CERKL: variants seen among roughly 807,000 people sequenced by gnomAD.
CERKL encodes the protein ceramide kinase-like protein.
A neutral mutation model predicts 63.4 loss-of-function variants in CERKL; 61 were observed. That is an observed-to-expected ratio of 0.96 (90% CI 0.78 to 1.19). The LOEUF is 1.19. Among genes scored for constraint, CERKL ranks in the 50% most tolerant of loss-of-function variants. The pLI is 0.00. For missense variants in CERKL, 675 were observed against 655.5 expected (o/e 1.03, Z -0.33); for synonymous variants, 250 against 230.5 (o/e 1.08, Z -0.77).
chr2:181,600,504 T>C (rs1685411719), intron 2 of CERKL, among the ~76,000 whole-genome samples: 1 of 151,824 alleles, frequency 6.6e-6, no homozygotes, highest in African/African-American at 2.4e-5. Context: ...GGGCTCAAAG[T>C]GAAGGGATGG....
At chr2:181,619,175 T>C (rs1377666191) in intron 1 of CERKL, among the ~76,000 whole-genome samples, 6 of 152,114 alleles carry the variant, frequency 3.9e-5, no homozygotes, top group African/African-American at 1.4e-4. Context: ...CCTACTTATG[T>C]ATTTGCCCAG....
At chr2:181,640,981 A>G (rs1687394496) in intron 1 of CERKL, among the ~76,000 whole-genome samples, 1 of 152,194 alleles carries the variant, frequency 6.6e-6, no homozygotes, top group Admixed American at 6.5e-5. Flanking sequence ...CAGTTTTAAA[A>G]AGTGTTTGCC....
At chr2:181,635,423 T>C (rs1687134337) in intron 1 of CERKL, among the ~76,000 whole-genome samples, 1 of 152,158 alleles carries the variant, frequency 6.6e-6, no homozygotes, top group Non-Finnish European at 1.5e-5. Context: ...TTTATTTTAC[T>C]GTGTCTAAAT....
chr2:181,540,156 G>A (rs1195888052), intron 11 of CERKL, among the ~76,000 whole-genome samples: 2 of 152,132 alleles, frequency 1.3e-5, no homozygotes, highest in African/African-American at 4.8e-5. Context: ...AGTTTATACT[G>A]TAAACACAGT....
At chr2:181,643,881 A>G (rs375740913) in intron 1 of CERKL, among the ~76,000 whole-genome samples, 2 of 152,250 alleles carry the variant, frequency 1.3e-5, no homozygotes, top group African/African-American at 4.8e-5. Context: ...CACACAGGAC[A>G]GTAAACAAAT....
Position 181,639,387 on chromosome 2 carries a change from A to G in CERKL, c.238+17382T>C, listed in dbSNP as rs571242514. ...AGGGTTGAACATGAGGACTTATTAC[A>G]TAATTATTCCTACATTTGGGTATGT... On this transcript the variant is annotated intron_variant, in intron 1 of 12. Transcript: ENST00000410087. Among the ~76,000 whole-genome samples the G allele has an allele frequency of 2.6e-5, 4 of 152,324 alleles. No individual in the cohort carries two copies. The South Asian group carries it at 6.2e-4, about 24-fold the overall frequency.
chr2:181,643,958 C>T (rs1160148237), intron 1 of CERKL, among the ~76,000 whole-genome samples: 1 of 152,202 alleles, frequency 6.6e-6, no homozygotes, highest in African/African-American at 2.4e-5. Context: ...CAAATAAAAG[C>T]TTACCCCTTG....
At chr2:181,610,788 A>C (rs1685933012) in intron 1 of CERKL, among the ~76,000 whole-genome samples, 1 of 152,216 alleles carries the variant, frequency 6.6e-6, no homozygotes, top group South Asian at 2.1e-4. Flanking sequence ...GAAGCTCCAT[A>C]ATTTTCCTTT....
intron 1 of CERKL, among the ~76,000 whole-genome samples, chr2:181,629,814 CAG>C (rs1180405081): frequency 6.6e-6 from 1 of 152,024 alleles, no homozygotes; most frequent in Non-Finnish European, 1.5e-5. Context: ...CCAAGTTCCA[CAG>C]AGTTAGAGTT....
At chr2:181,649,447 TAA>T (rs1324540820) in intron 1 of CERKL, 2 of 152,194 alleles carry the variant, frequency 1.3e-5, no homozygotes, top group African/African-American at 2.4e-5. Flanking sequence ...ACAATAATAG[TAA>T]GAGACTTTAA....
chr2:181,630,965 G>A (rs1255121674), intron 1 of CERKL, among the ~76,000 whole-genome samples: 3 of 152,056 alleles, frequency 2.0e-5, no homozygotes, highest in Non-Finnish European at 2.9e-5. Flanking sequence ...AATATTTAAC[G>A]CCAATGAGTG....
intron 6 of CERKL, 123 bp downstream of exon 6, chr2:181,549,511 A>G (rs1687891038): frequency 1.3e-6 from 1 of 770,062 alleles, no homozygotes; most frequent in Non-Finnish European, 2.2e-6. Flanking sequence ...TTAGTCAAAC[A>G]TTTCTCTACT....
At chr2:181,574,409 G>A (rs1323996538) in intron 2 of CERKL, among the ~76,000 whole-genome samples, 1 of 152,204 alleles carries the variant, frequency 6.6e-6, no homozygotes, top group Non-Finnish European at 1.5e-5. Flanking sequence ...CAAGTGCAGT[G>A]CATGCTGGGA....
intron 8 of CERKL, 95 bp from the exon 9 acceptor site, chr2:181,547,942 G>C: frequency 8.7e-7 from 1 of 1,155,576 alleles, no homozygotes. Flanking sequence ...GAAAATTAGA[G>C]AACTCATCAT....
intron 1 of CERKL, among the ~76,000 whole-genome samples, chr2:181,618,309 AAATAG>A (rs1246581126): frequency 1.3e-5 from 2 of 152,120 alleles, no homozygotes; most frequent in African/African-American, 4.8e-5. Context: ...AAAAAATTTA[AAATAG>A]AAGAGTGGTA....
At chr2:181,538,792 A>G (rs1000913611) in intron 12 of CERKL, among the ~76,000 whole-genome samples, 1 of 152,198 alleles carries the variant, frequency 6.6e-6, no homozygotes, top group Admixed American at 6.5e-5. Flanking sequence ...ATCCATTTTT[A>G]AAAATCCAAA....
chr2:181,597,916 A>C (rs1412080856), intron 2 of CERKL, among the ~76,000 whole-genome samples: 1 of 152,132 alleles, frequency 6.6e-6, no homozygotes, highest in East Asian at 1.9e-4. Flanking sequence ...AGAGGGACAC[A>C]ACTTGCCAAA....
chr2:181,548,484 G>C lies in CERKL; in HGVS notation c.1133+61C>G. 7 of 1,191,374 alleles carry C rather than the reference G, an allele frequency of 5.9e-6. No homozygotes were observed. The South Asian group carries it at 8.9e-5, about 15-fold the overall frequency. 73.8% of individuals were successfully genotyped at this position (1,191,374 alleles called of 1,614,324 possible). On this transcript the variant is annotated intron_variant, in intron 8 of 12. Coordinates refer to ENST00000410087, the MANE Select transcript of CERKL (RefSeq NM_201548.5). ...AGATCCTAAGTCTGATCAATTGTTT[G>C]TCAGAATGTTTTATGCTTTAAAGAT...
chr2:181,581,608 G>A (rs535844164), intron 2 of CERKL, among the ~76,000 whole-genome samples: 1 of 152,310 alleles, frequency 6.6e-6, no homozygotes, highest in East Asian at 1.9e-4. Context: ...ATTGCTGACA[G>A]AAACATGGTG....
Sources: gnomAD v4.1 joint callset for allele counts (sites outside exome capture counted in the v4.1 genomes callset) on GRCh38, gnomAD v4.1.1 for gene constraint, MANE v1.5 for transcripts, NCBI Gene and HGNC (gene_info 2026-07-23, HGNC 2026-07-21) for gene names.